ZNF385D: variants seen among roughly 807,000 people sequenced by gnomAD.
ZNF385D encodes zinc finger protein 385D.
In ZNF385D, 15 loss-of-function variants were observed where a neutral mutation model predicts 35.8. That is an observed-to-expected ratio of 0.42 (90% CI 0.28 to 0.64). The LOEUF is 0.64. Ranked by LOEUF, ZNF385D falls within the 30% of genes least tolerant of loss-of-function variation. ZNF385D has a pLI of 0.23. For synonymous variants in ZNF385D, 212 were observed against 186.8 expected, an observed-to-expected ratio of 1.13 and a Z score of -1.10; for missense variants, 474 against 494.6, an observed-to-expected ratio of 0.96 and a Z score of 0.39.
At chr3:21,571,659 G>A (rs900605638) in intron 2 of ZNF385D, among the ~76,000 whole-genome samples, 1 of 152,124 alleles carries the variant, frequency 6.6e-6, no homozygotes, top group Admixed American at 6.5e-5. Flanking sequence ...ACAAGTTTGA[G>A]GGTCCACAAG....
At chr3:22,029,949 G>C (rs979078620) in intron 3 of ZNF385D, among the ~76,000 whole-genome samples, 7 of 151,960 alleles carry the variant, frequency 4.6e-5, no homozygotes, top group Admixed American at 2.0e-4. Flanking sequence ...GTCTGTGAGG[G>C]TGTTGCTGAA....
intron 3 of ZNF385D, among the ~76,000 whole-genome samples, chr3:21,857,110 T>TC (rs564910097): frequency 2.0e-4 from 30 of 152,212 alleles, no homozygotes; most frequent in African/African-American, 5.3e-4. Context: ...AGTAACCTGA[T>TC]CTCAGCCCTC....
intron 3 of ZNF385D, among the ~76,000 whole-genome samples, chr3:21,823,547 C>A (rs1445664444): frequency 2.0e-5 from 3 of 152,232 alleles, no homozygotes; most frequent in Non-Finnish European, 2.9e-5. Flanking sequence ...GACATTACAG[C>A]CTCTCTCTGG....
intron 1 of ZNF385D, among the ~76,000 whole-genome samples, chr3:21,674,425 G>T (rs1305678799): frequency 6.6e-6 from 1 of 152,042 alleles, no homozygotes; most frequent in Non-Finnish European, 1.5e-5. Context: ...GAAAGGAACT[G>T]ATTCAATCCA....
At chr3:21,504,700 C>T (rs1029213352) in intron 4 of ZNF385D, among the ~76,000 whole-genome samples, 9 of 152,162 alleles carry the variant, frequency 5.9e-5, no homozygotes, top group East Asian at 3.9e-4. Context: ...AAGAATTTTC[C>T]GTGTTTTAGA....
intron 2 of ZNF385D, among the ~76,000 whole-genome samples, chr3:22,321,957 C>T (rs571569547): frequency 2.5e-4 from 38 of 152,158 alleles, no homozygotes; most frequent in Admixed American, 1.4e-3. Flanking sequence ...TTAATCTCTT[C>T]TTTTTCCTAC....
intron 3 of ZNF385D, among the ~76,000 whole-genome samples, chr3:22,070,741 A>G (rs1700189107): frequency 6.6e-6 from 1 of 152,148 alleles, no homozygotes; most frequent in Admixed American, 6.6e-5. Context: ...AGGGGAATCT[A>G]TATCCTGAGT....
At chr3:21,636,776 T>G (rs551430698) in intron 2 of ZNF385D, among the ~76,000 whole-genome samples, 97 of 152,100 alleles carry the variant, frequency 6.4e-4, no homozygotes, top group Admixed American at 1.5e-3. Flanking sequence ...TTCAATCCAA[T>G]CAAGTTGACA....
intron 3 of ZNF385D, among the ~76,000 whole-genome samples, chr3:21,777,930 G>T (rs1223239814): frequency 6.6e-6 from 1 of 151,824 alleles, no homozygotes; most frequent in African/African-American, 2.4e-5. Flanking sequence ...AAGCGGAATT[G>T]TCCAGCTGAA....
chr3:22,314,757 C>T (rs972206698), intron 2 of ZNF385D, among the ~76,000 whole-genome samples: 3 of 152,102 alleles, frequency 2.0e-5, no homozygotes, highest in Non-Finnish European at 2.9e-5. Context: ...AGACCTAGAG[C>T]AGAGTGGCTT....
chr3:22,300,832 T>C (rs1467313072), intron 2 of ZNF385D, among the ~76,000 whole-genome samples: 1 of 152,042 alleles, frequency 6.6e-6, no homozygotes, highest in East Asian at 1.9e-4. Context: ...TGTGCAATTT[T>C]GATGGGAATA....
At chr3:22,004,412 A>G (rs989967934) in intron 3 of ZNF385D, among the ~76,000 whole-genome samples, 2 of 152,222 alleles carry the variant, frequency 1.3e-5, no homozygotes, top group African/African-American at 4.8e-5. Flanking sequence ...ACAAGCAACA[A>G]AAACAAAAAT....
At chr3:21,984,977 T>C (rs1489368120) in intron 3 of ZNF385D, among the ~76,000 whole-genome samples, 1 of 151,686 alleles carries the variant, frequency 6.6e-6, no homozygotes, top group Non-Finnish European at 1.5e-5. Context: ...TGTCTGTTTT[T>C]TGTGTATAAG....
chr3:21,672,560 T>C (rs1431909633), intron 1 of ZNF385D, among the ~76,000 whole-genome samples: 3 of 152,160 alleles, frequency 2.0e-5, no homozygotes, highest in African/African-American at 7.2e-5. Flanking sequence ...CTGGAAATAC[T>C]GATTCAAAAA....
chr3:21,834,938 T>C (rs1575744904), intron 3 of ZNF385D, among the ~76,000 whole-genome samples: 2 of 152,244 alleles, frequency 1.3e-5, no homozygotes, highest in South Asian at 4.1e-4. Flanking sequence ...TCATGTAGAA[T>C]GGTGAGTCAA....
chr3:21,845,628 T>TA (rs1695958937), intron 3 of ZNF385D, among the ~76,000 whole-genome samples: 1 of 152,056 alleles, frequency 6.6e-6, no homozygotes, highest in African/African-American at 2.4e-5. Flanking sequence ...TACAGTCCTG[T>TA]AAGTTCTTTC....
chr3:21,965,130 G>C (rs955526166), intron 3 of ZNF385D, among the ~76,000 whole-genome samples: 11 of 152,196 alleles, frequency 7.2e-5, no homozygotes, highest in African/African-American at 2.7e-4. Flanking sequence ...CTATGATGAA[G>C]AGACAGCTTT....
chr3:22,091,112 T>A (rs192123996), intron 3 of ZNF385D, among the ~76,000 whole-genome samples: 16 of 152,236 alleles, frequency 1.1e-4, no homozygotes, highest in Admixed American at 9.8e-4. Flanking sequence ...TTCCTTGATA[T>A]AGGAAACTAA....
intron 3 of ZNF385D, among the ~76,000 whole-genome samples, chr3:22,017,593 T>C (rs977643184): frequency 1.3e-5 from 2 of 151,206 alleles, no homozygotes; most frequent in Non-Finnish European, 2.9e-5. Flanking sequence ...TTCTCTTTTA[T>C]CAATTTTTAT....
Sources: gnomAD v4.1 joint callset for allele counts (sites outside exome capture counted in the v4.1 genomes callset) on GRCh38, gnomAD v4.1.1 for gene constraint, MANE v1.5 for transcripts, NCBI Gene and HGNC (gene_info 2026-07-23, HGNC 2026-07-21) for gene names.